Variants in C8orf58 observed in about 807,000 individuals in gnomAD.
The protein encoded by C8orf58 is uncharacterized protein C8orf58.
A neutral mutation model predicts 36.8 loss-of-function variants in C8orf58; 31 were observed. The ratio of observed to expected loss-of-function variants is 0.84; its 90% CI spans 0.63 to 1.14. The LOEUF is 1.14. Among genes scored for constraint, C8orf58 ranks in the 50% most tolerant of loss-of-function variants. The probability of loss-of-function intolerance (pLI) is 0.00; values close to 1 mark genes in which losing one functional copy is unlikely to be tolerated. For synonymous variants in C8orf58, 230 were observed against 200.2 expected, an observed-to-expected ratio of 1.15 and a Z score of -1.26; for missense variants, 538 against 480.8, an observed-to-expected ratio of 1.12 and a Z score of -1.11.
chr8:22,602,368 T>TG lies in C8orf58; in HGVS notation c.879+61dup, dbSNP rs1563893680. 5 of 328,378 alleles carry TG rather than the reference T, an allele frequency of 1.5e-5. No homozygotes were observed. The East Asian group carries it at 3.5e-4, about 23-fold the overall frequency. 20.3% of individuals were successfully genotyped at this position (328,378 alleles called of 1,614,324 possible). A position where few individuals can be genotyped will look rare whatever the true frequency, so the allele number is the denominator to read the frequency against. ...TGGGCTGGGGTGGGGGGAGGGGAGG[T>TG]GGGGGATGCATGGGCACCCTGGGGG... On this transcript the variant is annotated intron_variant, in intron 5 of 6. Transcript: ENST00000289989.
Position 22,602,269 on chromosome 8 carries a change from C to T in C8orf58, c.836C>T (p.Pro279Leu), listed in dbSNP as rs1471688782. Reference sequence around the variant, plus strand: ...AACCCTCCCAGGCTGCCAGAAACCCCAGTGGAGCCAACGTACCACTTGCCA... The same window carrying T: ...AACCCTCCCAGGCTGCCAGAAACCCTAGTGGAGCCAACGTACCACTTGCCA... ...SANPPRLPET[P>L]VEPTYHLPSS... is the part of the protein sequence containing the mutation. The change falls in exon 5 of 7, where the codon CCA becomes CTA. Residue 279 changes from proline (P) to leucine (L), a missense_variant. By Grantham distance (98) the Pro-to-Leu change is moderately conservative (BLOSUM62 -3). Transcript: ENST00000289989. 1 of 1,605,460 alleles carries T rather than the reference C, an allele frequency of 6.2e-7. No homozygotes were observed. Among genetic ancestry groups the T allele is most frequent in the Non-Finnish European group, 8.5e-7 (1 of 1,177,644 alleles).
chr8:22,602,271 G>C lies in C8orf58; in HGVS notation c.838G>C (p.Val280Leu). 1 of 1,608,634 alleles carries C rather than the reference G, an allele frequency of 6.2e-7. No homozygotes were observed. ...CCCTCCCAGGCTGCCAGAAACCCCA[G>C]TGGAGCCAACGTACCACTTGCCATC... ...ANPPRLPETP[V>L]EPTYHLPSSQ... The change falls in exon 5 of 7, where the codon GTG (valine) becomes CTG (leucine). Residue 280 changes from valine to leucine, a missense_variant. Transcript: ENST00000289989.
rs145988500 is a variant in C8orf58, at chr8:22,600,944, C to T, written c.103C>T (p.Arg35Trp). Residue 35 changes from arginine (R) to tryptophan (W), a missense_variant, in exon 2 of 7, where the codon CGG (arginine) becomes TGG (tryptophan). Coordinates refer to ENST00000289989, the MANE Select transcript of C8orf58 (RefSeq NM_001013842.3). Reference protein sequence around the residue: ...IVPGVTSTYRRIPDAAHGCSS... With the variant: ...IVPGVTSTYRWIPDAAHGCSS... ...GCCTGGAGTCACCAGCACCTACAGACGGATCCCCGACGCTGCCCACGGGTG... is the reference window on the plus strand; with the variant it reads ...GCCTGGAGTCACCAGCACCTACAGATGGATCCCCGACGCTGCCCACGGGTG... 3.1e-6 allele frequency: 5 copies of T among 1,612,316 alleles called. No individual in the cohort carries two copies. Among genetic ancestry groups the T allele is most frequent in the African/African-American group, 2.7e-5 (2 of 75,054 alleles).
intron 5 of C8orf58, 23 bp from the exon 6 acceptor site, chr8:22,602,514 G>A (rs763044281): frequency 1.2e-5 from 19 of 1,582,078 alleles, no homozygotes; most frequent in Non-Finnish European, 1.6e-5. Flanking sequence ...AGGGCTCTGG[G>A]TGACCCCTCA....
chr8:22,601,097 C>G lies in C8orf58; in HGVS notation c.256C>G (p.Leu86Val). 1 of 1,612,610 alleles carries G rather than the reference C, an allele frequency of 6.2e-7. No homozygotes were observed. The highest frequency in any genetic ancestry group is 8.5e-7 in the Non-Finnish European group (1 of 1,180,020). ...GDSPLAALPG[L>V]SQDSLDFESS... is the part of the protein sequence containing the mutation. ...CAGCCCCCTGGCCGCCTTACCGGGC[C>G]TTTCTCAGGACTCCCTGGACTTTGA... is the stretch of plus-strand genomic sequence containing the variant. Residue 86 changes from leucine (L) to valine (V), a missense_variant, in exon 2 of 7, where the codon CTT becomes GTT. Coordinates refer to ENST00000289989, the MANE Select transcript of C8orf58 (RefSeq NM_001013842.3).
In C8orf58 at chr8:22,601,772, G is replaced by C; in HGVS notation, c.577G>C (p.Glu193Gln). Residue 193 changes from glutamate (E) to glutamine (Q), a missense_variant, in exon 3 of 7, where the codon GAA becomes CAA. Coordinates refer to ENST00000289989, the MANE Select transcript of C8orf58 (RefSeq NM_001013842.3). ...CCCCGGGCAGGGTCTTCGCTATCTG[G>C]AACACCTGTGCCTGGTGCTGGAGCA... Reference protein sequence around the residue: ...CLPGQGLRYLEHLCLVLEQMA... With the variant: ...CLPGQGLRYLQHLCLVLEQMA... The C allele has an allele frequency of 6.2e-7, 1 of 1,612,460 alleles. No homozygotes were observed. Among genetic ancestry groups the C allele is most frequent in the Non-Finnish European group, 8.5e-7 (1 of 1,179,814 alleles).
At position 22,603,292 on chromosome 8, in the gene C8orf58, CT is replaced by C; in HGVS notation, c.1087del (p.Ser363LeufsTer2). ...GGTTAAGAAGCAACGAGCAAAAAAC[CT>C]TTCTGTAGGCTGAGACCTCTCGGTG... ...LVVKKQRAKN[L>X]SVG On this transcript the variant is annotated frameshift_variant, in exon 7 of 7. Transcript: ENST00000289989. LOFTEE classifies it high-confidence loss of function. 1 of 1,613,536 alleles carries C rather than the reference CT, an allele frequency of 6.2e-7. No homozygotes were observed. The highest frequency in any genetic ancestry group is 8.5e-7 in the Non-Finnish European group (1 of 1,179,592).
chr8:22,603,039 G>C (rs987751469), intron 6 of C8orf58, 156 bp from the exon 7 acceptor site: 1 of 623,908 alleles, frequency 1.6e-6, no homozygotes, highest in East Asian at 2.7e-5. Context: ...GTATTGAATC[G>C]TTCTCCAGGA....
Position 22,600,001 on chromosome 8 carries a change from C to G in C8orf58, c.40+241C>G, listed in dbSNP as rs901401569. On this transcript the variant is annotated intron_variant, in intron 1 of 6. Coordinates refer to ENST00000289989, the MANE Select transcript of C8orf58 (RefSeq NM_001013842.3). ...GCCACCGCCTCCGCCCCACTTCCTC[C>G]GGCTCCGCTTCCCTCGCCTTCCCGC... 3.7e-5 allele frequency: 13 copies of G among 350,610 alleles called. No individual in the cohort carries two copies. The East Asian group carries it at 5.4e-4, about 15-fold the overall frequency. 21.7% of individuals were successfully genotyped at this position (350,610 alleles called of 1,614,324 possible).
In C8orf58 at chr8:22,601,106, G is replaced by A. The variant is rs1475840277; in HGVS notation, c.265G>A (p.Asp89Asn). The A allele has an allele frequency of 1.2e-6, 2 of 1,612,396 alleles. No individual in the cohort carries two copies. The highest frequency in any genetic ancestry group is 2.7e-5 in the African/African-American group (2 of 75,040). Residue 89 changes from aspartate (D) to asparagine (N), a missense_variant, in exon 2 of 7, where the codon GAC becomes AAC. Physicochemically the swap from Asp to Asn is conservative, Grantham distance 23. Coordinates refer to ENST00000289989, the MANE Select transcript of C8orf58 (RefSeq NM_001013842.3). ...PLAALPGLSQ[D>N]SLDFESSGSS... is the part of the protein sequence containing the mutation. ...GGCCGCCTTACCGGGCCTTTCTCAG[G>A]ACTCCCTGGACTTTGAATCCTCAGG... is the stretch of plus-strand genomic sequence containing the variant.
intron 1 of C8orf58, 119 bp downstream of exon 1, chr8:22,599,879 CCCGCG>C (rs1586936968): frequency 2.2e-6 from 1 of 444,506 alleles, no homozygotes; most frequent in Non-Finnish European, 3.6e-6. Flanking sequence ...GCGGGCGGAG[CCCGCG>C]CCGCTGCGCC....
At chr8:22,599,839 C>T (rs2117386687) in intron 1 of C8orf58, 79 bp downstream of exon 1, 1 of 658,900 alleles carries the variant, frequency 1.5e-6, no homozygotes, top group East Asian at 3.6e-5. Flanking sequence ...GGCACCCTCT[C>T]TCAGTTTCTT....
rs1050212145 is a variant in C8orf58 at position 22,601,292 on chromosome 8, G to A, written c.451G>A (p.Gly151Arg). 11 of 1,607,784 alleles carry A rather than the reference G, an allele frequency of 6.8e-6. No individual in the cohort carries two copies. In the Admixed American group the frequency reaches 1.3e-4, roughly 20 times the overall value. The change falls in exon 2 of 7, where the codon GGA (glycine) becomes AGA (arginine). Residue 151 changes from glycine (G) to arginine (R), a missense_variant. Transcript: ENST00000289989. Reference sequence around the variant, plus strand: ...CAAGCCTGAGCGTGAAGTGCCCCTTGGAGCAGGGCAACAGGAGTCCATGGA... The same window carrying A: ...CAAGCCTGAGCGTGAAGTGCCCCTTAGAGCAGGGCAACAGGAGTCCATGGA... ...ASKPEREVPL[G>R]AGQQESMEAD...
At chr8:22,603,122 G>A (rs1230795435) in intron 6 of C8orf58, 73 bp from the exon 7 acceptor site, 19 of 1,180,660 alleles carry the variant, frequency 1.6e-5, no homozygotes, top group Admixed American at 3.5e-5. Context: ...GATAAACCAC[G>A]TTCTCTCAAC....
At position 22,602,441 on chromosome 8, in the gene C8orf58, C is replaced by T. The variant is rs566843034; in HGVS notation, c.880-96C>T. 359 of 1,339,856 alleles carry T rather than the reference C, an allele frequency of 2.7e-4. No individual in the cohort carries two copies. The highest frequency in any genetic ancestry group is 5.5e-4 in the South Asian group (45 of 81,500). 83.0% of individuals were successfully genotyped at this position (1,339,856 alleles called of 1,614,324 possible). On this transcript the variant is annotated intron_variant, in intron 5 of 6. Coordinates refer to ENST00000289989, the MANE Select transcript of C8orf58 (RefSeq NM_001013842.3). ...AGGATTGATTCCTGTTTGGAGCAGG[C>T]GACTTGTCCTGGCTGTGGCGACAGC...
rs923255789 is a variant in C8orf58 at position 22,601,309 on chromosome 8, G to A, written c.468G>A (p.Glu156=). Residue 156 remains glutamate, a synonymous_variant, in exon 2 of 7, where the codon GAG becomes GAA. Coordinates refer to ENST00000289989, the MANE Select transcript of C8orf58 (RefSeq NM_001013842.3). ...REVPLGAGQQ[E]SMEADTDLEA... Reference sequence around the variant, plus strand: ...TGCCCCTTGGAGCAGGGCAACAGGAGTCCATGGAGGCAGACACAGACCTAG... The same window carrying A: ...TGCCCCTTGGAGCAGGGCAACAGGAATCCATGGAGGCAGACACAGACCTAG... The A allele has an allele frequency of 9.4e-6, 15 of 1,601,878 alleles. No individual in the cohort carries two copies. The highest frequency in any genetic ancestry group is 1.3e-5 in the Non-Finnish European group (15 of 1,171,652).
At position 22,601,803 on chromosome 8, in the gene C8orf58, C is replaced by T; in HGVS notation, c.608C>T (p.Ala203Val). The change falls in exon 3 of 7, where the codon GCA becomes GTA. Residue 203 changes from alanine to valine, a missense_variant. Ala to Val is a moderately conservative substitution (Grantham distance 64). Coordinates refer to ENST00000289989, the MANE Select transcript of C8orf58 (RefSeq NM_001013842.3). The stretch of plus-strand genomic sequence containing the variant: ...CTGTGCCTGGTGCTGGAGCAGATGG[C>T]AAGGCTCCAGCAGCTCTACCTGCAG... Reference protein sequence around the residue: ...EHLCLVLEQMARLQQLYLQLR... With the variant: ...EHLCLVLEQMVRLQQLYLQLR... 2 of 1,612,316 alleles carry T rather than the reference C, an allele frequency of 1.2e-6. No homozygotes were observed. Among genetic ancestry groups the T allele is most frequent in the Non-Finnish European group, 1.7e-6 (2 of 1,179,726 alleles).
chr8:22,599,656 C>T lies in C8orf58; in HGVS notation c.-65C>T, dbSNP rs1286244994. On this transcript the variant is annotated 5_prime_UTR_variant, in exon 1 of 7. Transcript: ENST00000289989. Reference sequence around the variant, plus strand: ...CGCGCTCCCTGAGCTGCCCGAGCTCCGCGGGGACTCGGGCCGGGATCCTCG... The same window carrying T: ...CGCGCTCCCTGAGCTGCCCGAGCTCTGCGGGGACTCGGGCCGGGATCCTCG... 5 of 963,798 alleles carry T rather than the reference C, an allele frequency of 5.2e-6. No homozygotes were observed. The Admixed American group carries it at 1.8e-4, about 35-fold the overall frequency. 59.7% of individuals were successfully genotyped at this position (963,798 alleles called of 1,614,324 possible). A position where few individuals can be genotyped will look rare whatever the true frequency, so the allele number is the denominator to read the frequency against.
At chr8:22,601,889 T>G in intron 3 of C8orf58, 37 bp downstream of exon 3, 1 of 1,568,584 alleles carries the variant, frequency 6.4e-7, no homozygotes, top group Non-Finnish European at 8.7e-7. Context: ...AGAGGACAGA[T>G]GGGACCCTGG....
Sources: gnomAD v4.1 joint callset for allele counts on GRCh38, gnomAD v4.1.1 for gene constraint, MANE v1.5 for transcripts, NCBI Gene and HGNC (gene_info 2026-07-23, HGNC 2026-07-21) for gene names.